The following KIAA1217 variants were observed in gnomAD, a reference collection of about 807,000 sequenced individuals.
KIAA1217 encodes sickle tail protein homolog.
A neutral mutation model predicts 163.9 loss-of-function variants in KIAA1217; 88 were observed. That is an observed-to-expected ratio of 0.54 (90% CI 0.45 to 0.64). The LOEUF (loss-of-function observed/expected upper bound fraction) is 0.64, where lower values mean the gene tolerates loss of function less well. Ranked by LOEUF, KIAA1217 falls within the 30% of genes least tolerant of loss-of-function variation. KIAA1217 has a pLI of 0.00. For missense variants in KIAA1217, 2,372 were observed against 2,475.0 expected (o/e 0.96, Z 0.88); for synonymous variants, 903 against 923.1 (o/e 0.98, Z 0.39).
rs376933035 is a variant in KIAA1217 at position 24,274,181 on chromosome 10, T to A, written c.354+54272T>A. Reference sequence around the variant, plus strand: ...TATTGGATAATTATGGAGAATAATGTATGTTTTCTGAGAGTTGGTAGTAAG... The same window carrying A: ...TATTGGATAATTATGGAGAATAATGAATGTTTTCTGAGAGTTGGTAGTAAG... On this transcript the variant is annotated intron_variant, in intron 2 of 20. Coordinates refer to ENST00000376454, the MANE Select transcript of KIAA1217 (RefSeq NM_019590.5). 1.2e-4 allele frequency among the ~76,000 whole-genome samples: 19 copies of A among 152,344 alleles called. 1 individual carries two copies. The highest frequency in any genetic ancestry group is 1.0e-3 in the Admixed American group (16 of 15,298).
At chr10:24,461,339 TTTTTG>T (rs369394781) in intron 5 of KIAA1217, among the ~76,000 whole-genome samples, 1 of 152,076 alleles carries the variant, frequency 6.6e-6, no homozygotes, top group Non-Finnish European at 1.5e-5. Flanking sequence ...TTTGTTTTTG[TTTTTG>T]TTTTGTTTTG....
intron 1 of KIAA1217, among the ~76,000 whole-genome samples, chr10:23,969,048 T>G (rs12241009): frequency 0.14 from 21,957 of 152,212 alleles, 3,310 homozygotes; most frequent in African/African-American, 0.39. Context: ...TTGTTTGTTT[T>G]TTTGAGATGG....
At position 24,276,944 on chromosome 10, in the gene KIAA1217, A is replaced by G. The variant is rs558881213; in HGVS notation, c.354+57035A>G. On this transcript the variant is annotated intron_variant, in intron 2 of 20. Coordinates refer to ENST00000376454, the MANE Select transcript of KIAA1217 (RefSeq NM_019590.5). ...ATTAAAAAAAAAATAAAAATCGTAG[A>G]GATGGGGTCTCCCCGTGTTGCCCAA... Among the ~76,000 whole-genome samples, 22 of 151,806 alleles carry G rather than the reference A, an allele frequency of 1.4e-4. 1 individual carries two copies. The South Asian group carries it at 4.6e-3, about 32-fold the overall frequency.
Position 24,178,605 on chromosome 10 carries a change from A to G in KIAA1217, c.-170-41021A>G, listed in dbSNP as rs74123657. Among the ~76,000 whole-genome samples, 216 of 152,348 alleles carry G rather than the reference A, an allele frequency of 1.4e-3. 1 individual carries two copies. Among genetic ancestry groups the G allele is most frequent in the African/African-American group, 4.9e-3 (202 of 41,576 alleles). ...GTAGATTCCTTTTCACTGCCCATCA[A>G]AGCAGACATAAAATAAGTAAAGGGA... On this transcript the variant is annotated intron_variant, in intron 2 of 18. Coordinates refer to the KIAA1217 transcript ENST00000376462.
At chr10:24,270,655 C>T (rs1253375374) in intron 2 of KIAA1217, among the ~76,000 whole-genome samples, 1 of 152,214 alleles carries the variant, frequency 6.6e-6, no homozygotes, top group Non-Finnish European at 1.5e-5. Context: ...ATTCTCCTGC[C>T]TCAGCCGCCT....
intron 1 of KIAA1217, among the ~76,000 whole-genome samples, chr10:23,978,343 T>C (rs1845625852): frequency 6.6e-6 from 1 of 152,142 alleles, no homozygotes; most frequent in Non-Finnish European, 1.5e-5. Context: ...GTTCCCAGGT[T>C]TATTGGTGAT....
At chr10:24,437,047 A>G (rs1327927711) in intron 4 of KIAA1217, among the ~76,000 whole-genome samples, 1 of 152,172 alleles carries the variant, frequency 6.6e-6, no homozygotes, top group Non-Finnish European at 1.5e-5. Flanking sequence ...ATCTCAGATG[A>G]ATATGTTTCT....
intron 1 of KIAA1217, among the ~76,000 whole-genome samples, chr10:23,741,300 T>C (rs1296320632): frequency 1.3e-5 from 2 of 152,194 alleles, no homozygotes; most frequent in South Asian, 2.1e-4. Context: ...TCTTTAAAGA[T>C]CCTGGATCCA....
intron 1 of KIAA1217, among the ~76,000 whole-genome samples, chr10:23,875,519 G>A (rs1178409706): frequency 6.6e-6 from 1 of 151,766 alleles, no homozygotes; most frequent in African/African-American, 2.4e-5. Flanking sequence ...GTACGGTAGT[G>A]GATATAAAGC....
intron 1 of KIAA1217, among the ~76,000 whole-genome samples, chr10:23,853,479 T>C (rs1839468149): frequency 6.6e-6 from 1 of 152,216 alleles, no homozygotes. Flanking sequence ...AATTCTCTTT[T>C]TTGGTTGTGT....
At chr10:24,499,337 C>G (rs1222695891) in intron 8 of KIAA1217, among the ~76,000 whole-genome samples, 2 of 152,310 alleles carry the variant, frequency 1.3e-5, no homozygotes, top group Non-Finnish European at 2.9e-5. Context: ...GCAGAGATGA[C>G]AAATCTTGCT....
chr10:24,044,741 A>G (rs1032721884), intron 2 of KIAA1217, among the ~76,000 whole-genome samples: 2 of 152,122 alleles, frequency 1.3e-5, no homozygotes, highest in African/African-American at 4.8e-5. Context: ...AACTAATATG[A>G]CCTCATAAAT....
intron 2 of KIAA1217, among the ~76,000 whole-genome samples, chr10:24,242,364 T>A (rs183522858): frequency 8.4e-4 from 128 of 152,334 alleles, no homozygotes; most frequent in Admixed American, 1.5e-3. Flanking sequence ...TTTCTATTTC[T>A]GCATTAATTT....
chr10:23,902,777 T>C lies in KIAA1217; in HGVS notation c.-320-104448T>C, dbSNP rs927169740. Reference sequence around the variant, plus strand: ...AAACGTGCAGCAGAGCTGGAGTCAATATGGTGGCTGAACTGCCCCATTGAT... The same window carrying C: ...AAACGTGCAGCAGAGCTGGAGTCAACATGGTGGCTGAACTGCCCCATTGAT... On this transcript the variant is annotated intron_variant, in intron 1 of 18. Coordinates refer to the KIAA1217 transcript ENST00000376462. 3.7e-4 allele frequency among the ~76,000 whole-genome samples: 56 copies of C among 152,082 alleles called. 3 individuals are homozygous for C. The highest frequency in any genetic ancestry group is 1.5e-5 in the Non-Finnish European group (1 of 68,000).
chr10:24,402,853 G>A (rs1260304624), intron 3 of KIAA1217, among the ~76,000 whole-genome samples: 2 of 152,032 alleles, frequency 1.3e-5, no homozygotes, highest in African/African-American at 2.4e-5. Flanking sequence ...GATCCAGTCT[G>A]GGCACGATGG....
intron 1 of KIAA1217, among the ~76,000 whole-genome samples, chr10:23,835,467 G>T (rs563259925): frequency 6.6e-6 from 1 of 152,198 alleles, no homozygotes; most frequent in African/African-American, 2.4e-5. Context: ...ATCTGCATTA[G>T]TACCTGGCAG....
chr10:24,364,097 G>C (rs2050413617), intron 2 of KIAA1217, among the ~76,000 whole-genome samples: 1 of 151,638 alleles, frequency 6.6e-6, no homozygotes, highest in South Asian at 2.1e-4. Context: ...TTCTGCCTCA[G>C]CCTCCTGAGT....
At chr10:24,392,346 T>C (rs566794750) in intron 3 of KIAA1217, among the ~76,000 whole-genome samples, 1 of 152,354 alleles carries the variant, frequency 6.6e-6, no homozygotes, top group African/African-American at 2.4e-5. Context: ...AGTTGTTTTA[T>C]GAAATGTTTT....
chr10:24,398,111 A>G (rs1347014205), intron 3 of KIAA1217, among the ~76,000 whole-genome samples: 1 of 152,222 alleles, frequency 6.6e-6, no homozygotes. Flanking sequence ...CTAATAGCCT[A>G]CCATTGAGCA....
Sources: allele counts gnomAD v4.1 joint callset (sites outside exome capture counted in the v4.1 genomes callset), GRCh38; gene constraint gnomAD v4.1.1; transcripts MANE v1.5; gene names NCBI Gene and HGNC (gene_info 2026-07-23, HGNC 2026-07-21).